TDRD9: variants seen among roughly 807,000 people sequenced by gnomAD.
TDRD9 encodes tudor domain containing 9.
Under a neutral mutation model 172.6 loss-of-function variants are expected in TDRD9, and 124 were observed. The ratio of observed to expected loss-of-function variants is 0.72; its 90% CI spans 0.62 to 0.83. TDRD9 has a LOEUF of 0.83. Among genes scored for constraint, TDRD9 ranks in the 40% least tolerant of loss-of-function variants. The pLI is 0.00. For missense variants in TDRD9, 1,479 were observed against 1,714.1 expected, an observed-to-expected ratio of 0.86 and a Z score of 2.42; for synonymous variants, 619 against 617.1, an observed-to-expected ratio of 1.00 and a Z score of -0.05.
chr14:104,050,413 T>G (rs1046276494), intron 35 of TDRD9, among the ~76,000 whole-genome samples: 2 of 152,196 alleles, frequency 1.3e-5, no homozygotes, highest in African/African-American at 4.8e-5. Flanking sequence ...AAGCCCTTCA[T>G]AGGCTCCCTG....
At chr14:104,035,932 T>A (rs1262994410) in intron 32 of TDRD9, among the ~76,000 whole-genome samples, 1 of 152,100 alleles carries the variant, frequency 6.6e-6, no homozygotes, top group East Asian at 1.9e-4. Context: ...CTCAGTCCTT[T>A]TTGCCATTAC....
At position 103,980,798 on chromosome 14, in the gene TDRD9, T is replaced by G. The variant is rs2033443270; in HGVS notation, c.1011+5245T>G. ...TGGCAACGGGCGTCTTCCCAGATGC[T>G]GGCATTACTGCTAGACCAAGGAGCC... On this transcript the variant is annotated intron_variant, in intron 7 of 35. Coordinates refer to ENST00000409874, the MANE Select transcript of TDRD9 (RefSeq NM_153046.3). This position sits in a 1 kb window ranked among gnomAD's most constrained non-coding sequence, Gnocchi z 4.5. Among the ~76,000 whole-genome samples the G allele has an allele frequency of 6.6e-6, 1 of 152,142 alleles. No individual in the cohort carries two copies. Among genetic ancestry groups the G allele is most frequent in the African/African-American group, 2.4e-5 (1 of 41,436 alleles).
chr14:103,990,019 G>C (rs999550294), intron 8 of TDRD9, among the ~76,000 whole-genome samples: 6 of 152,208 alleles, frequency 3.9e-5, no homozygotes, highest in African/African-American at 1.4e-4. Flanking sequence ...CCTATTGATT[G>C]GGGTGAACCC....
chr14:104,010,288 A>T (rs2034573729), intron 20 of TDRD9, among the ~76,000 whole-genome samples: 1 of 152,010 alleles, frequency 6.6e-6, no homozygotes, highest in South Asian at 2.1e-4. Context: ...ACAGGGTGTC[A>T]CTTTGTAGCC....
At position 103,997,225 on chromosome 14, in the gene TDRD9, T is replaced by A. The variant is rs954642930; in HGVS notation, c.1379-1399T>A. Among the ~76,000 whole-genome samples the A allele has an allele frequency of 6.6e-6, 1 of 152,006 alleles. No homozygotes were observed. The highest frequency in any genetic ancestry group is 2.4e-5 in the African/African-American group (1 of 41,364). ...GCAAAGGAGAGAAAAGGAAGAGACT[T>A]AGGAGGGTGTCACAAGAATCTAGGC... On this transcript the variant is annotated intron_variant, in intron 12 of 35. Coordinates refer to ENST00000409874, the MANE Select transcript of TDRD9 (RefSeq NM_153046.3). The surrounding 1 kb of genome is among the most constrained non-coding windows in gnomAD (Gnocchi z 5.1).
At chr14:103,992,333 T>C (rs1207683161) in intron 9 of TDRD9, among the ~76,000 whole-genome samples, 1 of 152,198 alleles carries the variant, frequency 6.6e-6, no homozygotes, top group Non-Finnish European at 1.5e-5. Flanking sequence ...AAACATGCAA[T>C]GAAAGTAGCT....
chr14:103,952,564 A>G (rs560053784), intron 1 of TDRD9, among the ~76,000 whole-genome samples: 3 of 151,578 alleles, frequency 2.0e-5, no homozygotes, highest in East Asian at 3.9e-4. Context: ...ATTTGCCACA[A>G]TAAAAAGATT....
chr14:103,948,551 A>G (rs2031694066), intron 1 of TDRD9, among the ~76,000 whole-genome samples: 1 of 152,236 alleles, frequency 6.6e-6, no homozygotes, highest in Non-Finnish European at 1.5e-5. Flanking sequence ...ACCTGTGTTC[A>G]TAACATCATT....
In TDRD9 at chr14:104,040,281, C is replaced by G. The variant is rs1195605404; in HGVS notation, c.3802C>G (p.His1268Asp). 1.4e-5 allele frequency: 22 copies of G among 1,551,596 alleles called. No individual in the cohort carries two copies. Among genetic ancestry groups the G allele is most frequent in the Non-Finnish European group, 1.9e-5 (22 of 1,146,836 alleles). The change falls in exon 33 of 36, where the codon CAC becomes GAC. Residue 1268 changes from histidine to aspartate, a missense_variant. By Grantham distance (81) the His-to-Asp change is moderately conservative (BLOSUM62 -1). This residue lies in a region of TDRD9 where 1,413 missense variants were observed against 1,649.1 expected (regional missense o/e 0.86). Transcript: ENST00000409874. ...PATGASILPE[H>D]DMELAFDVQF... ...TACAGGGGCTTCCATACTGCCCGAG[C>G]ACGACATGGAGCTTGCGTTTGACGT...
At chr14:103,993,117 G>A (rs896727152) in intron 9 of TDRD9, among the ~76,000 whole-genome samples, 23 of 147,046 alleles carry the variant, frequency 1.6e-4, no homozygotes, top group Admixed American at 1.1e-3. Context: ...CTGCAGGCAT[G>A]CACCCCCATG....
chr14:104,020,814 C>CATT lies in TDRD9; in HGVS notation c.2433-1341_2433-1339dup, dbSNP rs1314477280. Among the ~76,000 whole-genome samples, 44 of 152,040 alleles carry CATT rather than the reference C, an allele frequency of 2.9e-4. 3 individuals carry two copies. Among genetic ancestry groups the CATT allele is most frequent in the Non-Finnish European group, 4.4e-5 (3 of 68,036 alleles). On this transcript the variant is annotated intron_variant, in intron 23 of 35. Coordinates refer to ENST00000409874, the MANE Select transcript of TDRD9 (RefSeq NM_153046.3). ...CTGTGATGATGTGGGGACCCAGGGG[C>CATT]ATTAGAACTTGCATGCATAGCAAGG...
At chr14:104,007,948 T>A (rs564944191) in intron 19 of TDRD9, among the ~76,000 whole-genome samples, 2 of 152,208 alleles carry the variant, frequency 1.3e-5, no homozygotes, top group East Asian at 3.9e-4. Flanking sequence ...CAGCTACTTT[T>A]TTTGTATTTT....
At chr14:103,959,491 TACAC>T (rs147603782) in intron 2 of TDRD9, among the ~76,000 whole-genome samples, 91 of 148,466 alleles carry the variant, frequency 6.1e-4, no homozygotes, top group Admixed American at 5.0e-3. Flanking sequence ...TATGTATACA[TACAC>T]ACACACACAC....
intron 7 of TDRD9, among the ~76,000 whole-genome samples, chr14:103,985,988 G>T (rs1368328935): frequency 6.6e-6 from 1 of 152,242 alleles, no homozygotes; most frequent in Non-Finnish European, 1.5e-5. Flanking sequence ...TCTTGCTCTG[G>T]TGACTAGGCG....
At chr14:104,029,198 G>GT (rs1566794215) in intron 28 of TDRD9, among the ~76,000 whole-genome samples, 1 of 152,086 alleles carries the variant, frequency 6.6e-6, no homozygotes, top group African/African-American at 2.4e-5. Flanking sequence ...CTTTAGGATT[G>GT]TTTTTTCTAT....
chr14:104,022,471 T>C, intron 24 of TDRD9, 141 bp downstream of exon 24: 1 of 869,808 alleles, frequency 1.1e-6, no homozygotes, highest in Non-Finnish European at 1.7e-6. Flanking sequence ...CTCACGCCAC[T>C]CATCCAGCAC....
intron 19 of TDRD9, 110 bp downstream of exon 19, chr14:104,007,314 G>C: frequency 9.7e-7 from 1 of 1,028,584 alleles, no homozygotes; most frequent in Non-Finnish European, 1.4e-6. Flanking sequence ...CCTGCGGCTG[G>C]AGTCGAGGTC....
chr14:103,987,112 C>CAA (rs1325549404), intron 8 of TDRD9, among the ~76,000 whole-genome samples: 1 of 129,192 alleles, frequency 7.7e-6, no homozygotes, highest in East Asian at 2.3e-4. Context: ...GACTCCATCT[C>CAA]AAAAAATATA....
chr14:103,994,749 T>C, intron 11 of TDRD9, 146 bp downstream of exon 11: 1 of 657,970 alleles, frequency 1.5e-6, no homozygotes, highest in Non-Finnish European at 2.6e-6. Flanking sequence ...TCATTTGAGC[T>C]CAGGAATTTG....
Sources: allele counts gnomAD v4.1 joint callset (sites outside exome capture counted in the v4.1 genomes callset), GRCh38; gene constraint gnomAD v4.1.1; regional missense constraint gnomAD v4.1.1; non-coding constraint Gnocchi (gnomAD v3.1); transcripts MANE v1.5; gene names NCBI Gene and HGNC (gene_info 2026-07-23, HGNC 2026-07-21).